Variants in MINDY2 observed in about 807,000 individuals in gnomAD.
MINDY2 encodes MINDY lysine 48 deubiquitinase 2, also known as ubiquitin carboxyl-terminal hydrolase MINDY-2.
In MINDY2, 52 loss-of-function variants were observed where a neutral mutation model predicts 68.2. The ratio of observed to expected loss-of-function variants is 0.76; its 90% CI spans 0.61 to 0.96. The LOEUF (loss-of-function observed/expected upper bound fraction) is 0.96. MINDY2 is among the 40% of genes least tolerant of loss of function. The probability of loss-of-function intolerance (pLI) is 0.00; values close to 1 mark genes in which losing one functional copy is unlikely to be tolerated. For synonymous variants in MINDY2, 372 were observed against 303.0 expected (o/e 1.23, Z -2.36); for missense variants, 881 against 773.4 (o/e 1.14, Z -1.65).
intron 6 of MINDY2, among the ~76,000 whole-genome samples, chr15:58,837,886 T>G (rs2032074492): frequency 6.6e-6 from 1 of 150,440 alleles, no homozygotes; most frequent in Non-Finnish European, 1.5e-5. Flanking sequence ...GGAGGATAAT[T>G]TGAGTCCAGG....
chr15:58,832,374 G>T (rs1281430054), intron 6 of MINDY2, among the ~76,000 whole-genome samples: 2 of 151,592 alleles, frequency 1.3e-5, no homozygotes, highest in Non-Finnish European at 2.9e-5. Context: ...TTACAGGCAT[G>T]CACCACCATG....
At chr15:58,803,860 G>A (rs1223943255) in intron 3 of MINDY2, among the ~76,000 whole-genome samples, 13 of 145,730 alleles carry the variant, frequency 8.9e-5, no homozygotes, top group African/African-American at 3.3e-4. Context: ...TGTAATTCCA[G>A]CACTTTGGTA....
At chr15:58,816,573 C>T (rs2030702542) in intron 4 of MINDY2, among the ~76,000 whole-genome samples, 1 of 151,846 alleles carries the variant, frequency 6.6e-6, no homozygotes, top group Non-Finnish European at 1.5e-5. Flanking sequence ...GCCCAGCTCA[C>T]ATACAAAGTA....
intron 1 of MINDY2, among the ~76,000 whole-genome samples, chr15:58,782,239 A>T (rs1356216879): frequency 1.3e-5 from 2 of 152,178 alleles, no homozygotes; most frequent in African/African-American, 4.8e-5. Flanking sequence ...CATGAATACT[A>T]TATATTCATG....
chr15:58,802,253 T>G (rs1370775484), intron 2 of MINDY2, 60 bp from the exon 3 acceptor site: 26 of 1,114,112 alleles, frequency 2.3e-5, no homozygotes, highest in Non-Finnish European at 3.3e-5. Flanking sequence ...CTATTACTTT[T>G]GTAATCAGAA....
intron 4 of MINDY2, among the ~76,000 whole-genome samples, chr15:58,811,711 C>A (rs902828539): frequency 1.3e-5 from 2 of 152,178 alleles, no homozygotes; most frequent in Non-Finnish European, 2.9e-5. Context: ...TCTAGTAGCT[C>A]CCTTTGGCCA....
chr15:58,844,749 T>G (rs1338072347), intron 6 of MINDY2, among the ~76,000 whole-genome samples: 3 of 150,652 alleles, frequency 2.0e-5, no homozygotes, highest in Non-Finnish European at 4.4e-5. Flanking sequence ...AAACTCCATC[T>G]CTACTAAAAA....
intron 1 of MINDY2, among the ~76,000 whole-genome samples, chr15:58,781,975 T>C (rs1043853558): frequency 6.6e-6 from 1 of 152,108 alleles, no homozygotes; most frequent in Non-Finnish European, 1.5e-5. Flanking sequence ...AAGTCTGAAT[T>C]TGAGTATTTT....
chr15:58,838,583 T>A (rs2032116863), intron 6 of MINDY2, among the ~76,000 whole-genome samples: 1 of 50,284 alleles, frequency 2.0e-5, no homozygotes, highest in Non-Finnish European at 3.0e-5. Flanking sequence ...TTTTTAGGGA[T>A]TTTTTTTTTT....
chr15:58,780,258 G>C (rs188319873), intron 1 of MINDY2, among the ~76,000 whole-genome samples: 2 of 152,152 alleles, frequency 1.3e-5, no homozygotes, highest in African/African-American at 4.8e-5. Context: ...TACAAAATTA[G>C]CCGGGTGTGG....
chr15:58,800,852 A>G (rs1902598673), intron 2 of MINDY2, among the ~76,000 whole-genome samples: 1 of 139,152 alleles, frequency 7.2e-6, no homozygotes, highest in Non-Finnish European at 1.5e-5. Flanking sequence ...AAAAAAAAAA[A>G]AGTCTTCTAA....
rs1182725040 is a variant in MINDY2, at chr15:58,847,326, G to A, written c.1398G>A (p.Gln466=). 6.3e-7 allele frequency: 1 copy of A among 1,587,898 alleles called. No individual in the cohort carries two copies. Among genetic ancestry groups the A allele is most frequent in the South Asian group, 1.1e-5 (1 of 88,774 alleles). Residue 466 remains glutamine (Q), a synonymous_variant, in exon 7 of 9, where the codon CAG becomes CAA. Coordinates refer to ENST00000559228, the MANE Select transcript of MINDY2 (RefSeq NM_001040450.3). Reference sequence around the variant, plus strand: ...AACTGTATTTGTTGGTAACGGACCAGGGGTTTCTTACTGAAGAGAAAGTTG... The same window carrying A: ...AACTGTATTTGTTGGTAACGGACCAAGGGTTTCTTACTGAAGAGAAAGTTG... ...KGQLYLLVTD[Q]GFLTEEKVVW... is the part of the protein sequence containing the mutation.
chr15:58,857,158 GTTTGC>G lies in MINDY2; in HGVS notation c.*2553_*2557del, dbSNP rs2033085973. On this transcript the variant is annotated 3_prime_UTR_variant, in exon 9 of 9. Coordinates refer to ENST00000559228, the MANE Select transcript of MINDY2 (RefSeq NM_001040450.3). ...ATACCAAGAATAATAATGATAAAAT[GTTTGC>G]TTTGATTACTGTGGGGGGAAAGATG... 1 of 152,152 alleles carries G rather than the reference GTTTGC, an allele frequency of 6.6e-6. No homozygotes were observed. 9.4% of individuals were successfully genotyped at this position (152,152 alleles called of 1,614,324 possible).
chr15:58,827,525 G>A (rs1303124515), intron 5 of MINDY2, among the ~76,000 whole-genome samples: 3 of 152,070 alleles, frequency 2.0e-5, no homozygotes, highest in African/African-American at 7.2e-5. Context: ...GTGTAGTGGC[G>A]CGATCTCGGC....
At chr15:58,816,300 A>G (rs1269123926) in intron 4 of MINDY2, among the ~76,000 whole-genome samples, 1 of 152,254 alleles carries the variant, frequency 6.6e-6, no homozygotes, top group Non-Finnish European at 1.5e-5. Flanking sequence ...CAGTTTATAC[A>G]TCCAAGGTTG....
rs746154698 is a variant in MINDY2 at position 58,852,922 on chromosome 15, GTTTTTTTTTTTT to G, written c.1737+994_1737+1005del. On this transcript the variant is annotated intron_variant, in intron 8 of 8. Coordinates refer to ENST00000559228, the MANE Select transcript of MINDY2 (RefSeq NM_001040450.3). ...TATACCATGCCAGACTGCTGTTCCT[GTTTTTTTTTTTT>G]TTTTTTTTTTTTTTTTTTTTTTTTT... 1.2e-3 allele frequency among the ~76,000 whole-genome samples: 59 copies of G among 48,964 alleles called. 2 individuals are homozygous for G. Among genetic ancestry groups the G allele is most frequent in the Non-Finnish European group, 1.9e-3 (48 of 24,872 alleles). 32.1% of individuals were successfully genotyped at this position (48,964 alleles called of 152,430 possible). A position where few individuals can be genotyped will look rare whatever the true frequency, so the allele number is the denominator to read the frequency against.
chr15:58,800,978 T>C (rs1020106543), intron 2 of MINDY2, among the ~76,000 whole-genome samples: 2 of 151,900 alleles, frequency 1.3e-5, no homozygotes, highest in Non-Finnish European at 2.9e-5. Context: ...AAAATAAAAT[T>C]TGTTTTTGTT....
chr15:58,804,527 A>G (rs1183358212), intron 3 of MINDY2, among the ~76,000 whole-genome samples: 2 of 151,758 alleles, frequency 1.3e-5, no homozygotes, highest in African/African-American at 4.8e-5. Context: ...GTTTGCAAGC[A>G]CCAGGCGTGG....
At chr15:58,795,082 A>C (rs534910509) in intron 2 of MINDY2, among the ~76,000 whole-genome samples, 6 of 151,974 alleles carry the variant, frequency 3.9e-5, no homozygotes, top group Admixed American at 3.9e-4. Flanking sequence ...AGGCGGAGGC[A>C]GGAGAATAGC....
Sources: gnomAD v4.1 joint callset for allele counts (sites outside exome capture counted in the v4.1 genomes callset) on GRCh38, gnomAD v4.1.1 for gene constraint, MANE v1.5 for transcripts, NCBI Gene and HGNC (gene_info 2026-07-23, HGNC 2026-07-21) for gene names.